The following TSPYL6 variants were observed in gnomAD, a reference collection of about 807,000 sequenced individuals.
The protein encoded by TSPYL6 is TSPY like 6, also known as testis-specific Y-encoded-like protein 6.
For missense variants in TSPYL6, 699 were observed against 531.5 expected (o/e 1.32, Z -3.10); for synonymous variants, 259 against 214.8 (o/e 1.21, Z -1.80).
chr2:54,256,094 G>C lies in TSPYL6; in HGVS notation c.58C>G (p.Pro20Ala). 6.2e-7 allele frequency: 1 copy of C among 1,614,136 alleles called. No homozygotes were observed. The highest frequency in any genetic ancestry group is 8.5e-7 in the Non-Finnish European group (1 of 1,180,024). Residue 20 changes from proline (P) to alanine (A), a missense_variant, in exon 1 of 1, where the codon CCG (proline) becomes GCG (alanine). Transcript: ENST00000317802. The part of the protein sequence containing the change: ...PATLDYALED[P>A]HQGQRSREKS... ...TCTCGGGACCTCTGGCCCTGGTGCG[G>C]GTCTTCCAGAGCATAGTCGAGAGTA...
Position 54,254,414 on chromosome 2 carries a change from C to CGCCGTA in TSPYL6, c.*504_*505insTACGGC. ...TAGCAGGCAGCAATAGGTGACCAGT[C>CGCCGTA]TCAGGAAAAGTAATGGGGTCCCATA... On this transcript the variant is annotated 3_prime_UTR_variant, in exon 1 of 1. Transcript: ENST00000317802. 6.5e-6 allele frequency: 1 copy of CGCCGTA among 154,210 alleles called. No individual in the cohort carries two copies. Among genetic ancestry groups the CGCCGTA allele is most frequent in the Non-Finnish European group, 1.4e-5 (1 of 69,526 alleles). The allele number at this position is 154,210 out of a possible 1,614,324, so 9.6% of individuals were successfully genotyped here. A position where few individuals can be genotyped will look rare whatever the true frequency, so the allele number is the denominator to read the frequency against.
At position 54,254,704 on chromosome 2, in the gene TSPYL6, A is replaced by G; in HGVS notation, c.*215T>C. Reference sequence around the variant, plus strand: ...GTGACCCATCGGCTGGGAGCATGTGATGTTAATGCAGAATAGCAAGACGAC... The same window carrying G: ...GTGACCCATCGGCTGGGAGCATGTGGTGTTAATGCAGAATAGCAAGACGAC... On this transcript the variant is annotated 3_prime_UTR_variant, in exon 1 of 1. Coordinates refer to ENST00000317802, the MANE Select transcript of TSPYL6 (RefSeq NM_001003937.3). 1.8e-6 allele frequency: 1 copy of G among 552,990 alleles called. No homozygotes were observed. The allele number at this position is 552,990 out of a possible 1,614,324, so 34.3% of individuals were successfully genotyped here. A position where few individuals can be genotyped will look rare whatever the true frequency, so the allele number is the denominator to read the frequency against.
chr2:54,255,408 G>C lies in TSPYL6; in HGVS notation c.744C>G (p.Ile248Met), dbSNP rs1364703232. 6.2e-7 allele frequency: 1 copy of C among 1,613,876 alleles called. No individual in the cohort carries two copies. The highest frequency in any genetic ancestry group is 1.3e-5 in the African/African-American group (1 of 74,852). ...LEQRNDIIRN[I>M]PGFWVTAFRH... ...GGAAAGCAGTGACCCAGAAGCCCGGGATATTGCGAATGATGTCATTCCTCT... is the reference window on the plus strand; with the variant it reads ...GGAAAGCAGTGACCCAGAAGCCCGGCATATTGCGAATGATGTCATTCCTCT... The change falls in exon 1 of 1, where the codon ATC becomes ATG. Residue 248 changes from isoleucine (I) to methionine (M), a missense_variant. Physicochemically the swap from Ile to Met is conservative, Grantham distance 10 (BLOSUM62 1). Coordinates refer to ENST00000317802, the MANE Select transcript of TSPYL6 (RefSeq NM_001003937.3).
At position 54,255,406 on chromosome 2, in the gene TSPYL6, G is replaced by A. The variant is rs1349429259; in HGVS notation, c.746C>T (p.Pro249Leu). ...GCGGAAAGCAGTGACCCAGAAGCCC[G>A]GGATATTGCGAATGATGTCATTCCT... ...EQRNDIIRNI[P>L]GFWVTAFRHH... is the part of the protein sequence containing the mutation. The change falls in exon 1 of 1, where the codon CCG (proline) becomes CTG (leucine). Residue 249 changes from proline (P) to leucine (L), a missense_variant. By Grantham distance (98) the Pro-to-Leu change is moderately conservative. Transcript: ENST00000317802. The A allele has an allele frequency of 3.1e-6, 5 of 1,613,914 alleles. No individual in the cohort carries two copies. In the African/African-American group the frequency reaches 4.0e-5, roughly 13 times the overall value.
At position 54,255,285 on chromosome 2, in the gene TSPYL6, C is replaced by T. The variant is rs200743394; in HGVS notation, c.867G>A (p.Arg289=). The T allele has an allele frequency of 1.2e-4, 198 of 1,614,164 alleles. No individual in the cohort carries two copies. Among genetic ancestry groups the T allele is most frequent in the Non-Finnish European group, 1.6e-4 (185 of 1,180,034 alleles). ...NLEVKELRHP[R]TGCKFKFFFQ... is the part of the protein sequence containing the mutation. The stretch of plus-strand genomic sequence containing the variant: ...AGAAGAACTTAAACTTGCAGCCTGT[C>T]CTAGGGTGTCTGAGCTCCTTCACTT... The change falls in exon 1 of 1, where the codon AGG becomes AGA. Residue 289 remains arginine, a synonymous_variant. Transcript: ENST00000317802.
Position 54,255,419 on chromosome 2 carries a change from T to C in TSPYL6, c.733A>G (p.Ile245Val). ...ACCCAGAAGCCCGGGATATTGCGAATGATGTCATTCCTCTGCTCCAGGTAG... is the reference window on the plus strand; with the variant it reads ...ACCCAGAAGCCCGGGATATTGCGAACGATGTCATTCCTCTGCTCCAGGTAG... ...EYYLEQRNDI[I>V]RNIPGFWVTA... The change falls in exon 1 of 1, where the codon ATT becomes GTT. Residue 245 changes from isoleucine (I) to valine (V), a missense_variant. By Grantham distance (29) the Ile-to-Val change is conservative (BLOSUM62 3). Coordinates refer to ENST00000317802, the MANE Select transcript of TSPYL6 (RefSeq NM_001003937.3). 2 of 1,614,036 alleles carry C rather than the reference T, an allele frequency of 1.2e-6. No homozygotes were observed. Among genetic ancestry groups the C allele is most frequent in the Non-Finnish European group, 1.7e-6 (2 of 1,179,994 alleles).
rs200899511 is a variant in TSPYL6 at position 54,256,089 on chromosome 2, G to A, written c.63C>T (p.His21=). The A allele has an allele frequency of 4.5e-4, 728 of 1,614,124 alleles. 3 individuals are homozygous for A. Among genetic ancestry groups the A allele is most frequent in the East Asian group, 8.5e-4 (38 of 44,870 alleles). ...TCTTTTCTCGGGACCTCTGGCCCTG[G>A]TGCGGGTCTTCCAGAGCATAGTCGA... ...ATLDYALEDP[H]QGQRSREKSK... is the part of the protein sequence containing the mutation. Residue 21 remains histidine (H), a synonymous_variant, in exon 1 of 1, where the codon CAC becomes CAT. Transcript: ENST00000317802.
Position 54,255,455 on chromosome 2 carries a change from T to C in TSPYL6, c.697A>G (p.Ile233Val). The C allele has an allele frequency of 6.2e-7, 1 of 1,613,992 alleles. No homozygotes were observed. The highest frequency in any genetic ancestry group is 8.5e-7 in the Non-Finnish European group (1 of 1,179,980). ...LLQVERRFGQ[I>V]HEYYLEQRND... ...CTCTGCTCCAGGTAGTATTCATGAA[T>C]CTGCCCAAACCTGCGCTCCACCTGC... Residue 233 changes from isoleucine to valine, a missense_variant, in exon 1 of 1, where the codon ATT becomes GTT. By Grantham distance (29) the Ile-to-Val change is conservative. Transcript: ENST00000317802.
At position 54,255,944 on chromosome 2, in the gene TSPYL6, T is replaced by G. The variant is rs750936309; in HGVS notation, c.208A>C (p.Thr70Pro). 3 of 1,614,056 alleles carry G rather than the reference T, an allele frequency of 1.9e-6. No individual in the cohort carries two copies. The South Asian group carries it at 3.3e-5, about 18-fold the overall frequency. Residue 70 changes from threonine to proline, a missense_variant, in exon 1 of 1, where the codon ACT becomes CCT. By Grantham distance (38) the Thr-to-Pro change is conservative. Transcript: ENST00000317802. ...CCCGCATCGACCAAGATGTGGAAAG[T>G]ATGGCCACCATCTGCGGGATCCTGG... ...APQDPADGGHTFHILVDAGRS... is the reference protein window; with the variant it reads ...APQDPADGGHPFHILVDAGRS...
In TSPYL6 at chr2:54,254,747, G is replaced by A. The variant is rs1687410113; in HGVS notation, c.*172C>T. ...AAGACGACCAGGTGAAAGGGGAGCA[G>A]CACAGCCACCAAGGTCTCAATCTTC... On this transcript the variant is annotated 3_prime_UTR_variant, in exon 1 of 1. Transcript: ENST00000317802. The A allele has an allele frequency of 7.9e-6, 5 of 629,770 alleles. No homozygotes were observed. In the South Asian group the frequency reaches 1.1e-4, roughly 14 times the overall value. The allele number at this position is 629,770 out of a possible 1,614,324, so 39.0% of individuals were successfully genotyped here.
rs772774861 is a variant in TSPYL6 at position 54,255,184 on chromosome 2, G to C, written c.968C>G (p.Ser323Cys). 1.2e-6 allele frequency: 2 copies of C among 1,614,200 alleles called. No individual in the cohort carries two copies. The highest frequency in any genetic ancestry group is 1.7e-6 in the Non-Finnish European group (2 of 1,180,048). ...GCGCCACATGATTAGAGTGGAAAAAGACACCACTTGGCCGAAGGATCTGAC... is the reference window on the plus strand; with the variant it reads ...GCGCCACATGATTAGAGTGGAAAAACACACCACTTGGCCGAAGGATCTGAC... ...YEVRSFGQVV[S>C]FSTLIMWRRG... The change falls in exon 1 of 1, where the codon TCT (serine) becomes TGT (cysteine). Residue 323 changes from serine to cysteine, a missense_variant. Ser to Cys is a moderately radical substitution (Grantham distance 112). Coordinates refer to ENST00000317802, the MANE Select transcript of TSPYL6 (RefSeq NM_001003937.3).
rs771327631 is a variant in TSPYL6 at position 54,255,788 on chromosome 2, C to T, written c.364G>A (p.Gly122Ser). ...TCTAGAGCCTTCTCCCCACCTAGGC[C>T]GTGCGTCTCTTCACCCGGAAAGCCA... ...KNGFPGEETH[G>S]LGGEKALETC... is the part of the protein sequence containing the mutation. The change falls in exon 1 of 1, where the codon GGC becomes AGC. Residue 122 changes from glycine to serine, a missense_variant. Coordinates refer to ENST00000317802, the MANE Select transcript of TSPYL6 (RefSeq NM_001003937.3). The T allele has an allele frequency of 5.6e-6, 9 of 1,613,832 alleles. No individual in the cohort carries two copies. Among genetic ancestry groups the T allele is most frequent in the Non-Finnish European group, 5.9e-6 (7 of 1,180,032 alleles).
Position 54,254,924 on chromosome 2 carries a change from C to T in TSPYL6, c.1228G>A (p.Gly410Ser), listed in dbSNP as rs1482023327. The T allele has an allele frequency of 3.7e-6, 6 of 1,608,724 alleles. No individual in the cohort carries two copies. Among genetic ancestry groups the T allele is most frequent in the Non-Finnish European group, 5.1e-6 (6 of 1,178,476 alleles). The change falls in exon 1 of 1, where the codon GGT (glycine) becomes AGT (serine). Residue 410 changes from glycine (G) to serine (S), a missense_variant. Gly to Ser is a moderately conservative substitution (Grantham distance 56). Coordinates refer to ENST00000317802, the MANE Select transcript of TSPYL6 (RefSeq NM_001003937.3). The stretch of plus-strand genomic sequence containing the variant: ...AGTAATTCCAAAGGCAAAGGTTAAC[C>T]ACACTGGAACCCAAAGGGCCTGGGG... ...EIPRPFGFQC[G>S]
At position 54,255,231 on chromosome 2, in the gene TSPYL6, C is replaced by T. The variant is rs367850701; in HGVS notation, c.921G>A (p.Lys307=). Residue 307 remains lysine, a synonymous_variant, in exon 1 of 1, where the codon AAG becomes AAA. Transcript: ENST00000317802. The part of the protein sequence containing the change: ...FFQRNPYFRN[K]LIVKVYEVRS... ...TGACCTCATACACCTTTACAATCAG[C>T]TTGTTTCTGAAGTAAGGGTTTCTTT... is the stretch of plus-strand genomic sequence containing the variant. The T allele has an allele frequency of 1.2e-6, 2 of 1,614,182 alleles. No individual in the cohort carries two copies. Among genetic ancestry groups the T allele is most frequent in the Non-Finnish European group, 1.7e-6 (2 of 1,180,038 alleles).
rs1687439522 is a variant in TSPYL6 at position 54,255,248 on chromosome 2, G to A, written c.904C>T (p.Pro302Ser). ...CKFKFFFQRN[P>S]YFRNKLIVKV... is the part of the protein sequence containing the mutation. The stretch of plus-strand genomic sequence containing the variant: ...ACAATCAGCTTGTTTCTGAAGTAAG[G>A]GTTTCTTTGAAAGAAGAACTTAAAC... The change falls in exon 1 of 1, where the codon CCT (proline) becomes TCT (serine). Residue 302 changes from proline (P) to serine (S), a missense_variant. Transcript: ENST00000317802. 3 of 1,614,052 alleles carry A rather than the reference G, an allele frequency of 1.9e-6. No homozygotes were observed. Among genetic ancestry groups the A allele is most frequent in the East Asian group, 2.2e-5 (1 of 44,884 alleles).
At position 54,253,761 on chromosome 2, in the gene TSPYL6, G is replaced by C. The variant is rs1221810674; in HGVS notation, c.*1158C>G. ...TAGAAATCACCTTTCATTCCATACA[G>C]CTCTGTAGTCCTTTAAACCCTCTAG... On this transcript the variant is annotated 3_prime_UTR_variant, in exon 1 of 1. Transcript: ENST00000317802. 2.0e-5 allele frequency: 3 copies of C among 152,148 alleles called. No individual in the cohort carries two copies. Among genetic ancestry groups the C allele is most frequent in the African/African-American group, 7.2e-5 (3 of 41,418 alleles). The allele number at this position is 152,148 out of a possible 1,614,324, so 9.4% of individuals were successfully genotyped here.
chr2:54,254,688 C>A lies in TSPYL6; in HGVS notation c.*231G>T, dbSNP rs977341662. The A allele has an allele frequency of 3.2e-5, 17 of 526,544 alleles. No individual in the cohort carries two copies. The highest frequency in any genetic ancestry group is 5.4e-5 in the Non-Finnish European group (16 of 297,600). The allele number at this position is 526,544 out of a possible 1,614,324, so 32.6% of individuals were successfully genotyped here. A position where few individuals can be genotyped will look rare whatever the true frequency, so the allele number is the denominator to read the frequency against. ...CTTCGCTTAGAAGGATGTGACCCAT[C>A]GGCTGGGAGCATGTGATGTTAATGC... On this transcript the variant is annotated 3_prime_UTR_variant, in exon 1 of 1. Transcript: ENST00000317802.
chr2:54,254,853 G>A lies in TSPYL6; in HGVS notation c.*66C>T. 4 of 1,504,094 alleles carry A rather than the reference G, an allele frequency of 2.7e-6. No homozygotes were observed. Among genetic ancestry groups the A allele is most frequent in the South Asian group, 1.3e-5 (1 of 79,884 alleles). The allele number at this position is 1,504,094 out of a possible 1,614,324, so 93.2% of individuals were successfully genotyped here. A position where few individuals can be genotyped will look rare whatever the true frequency, so the allele number is the denominator to read the frequency against. On this transcript the variant is annotated 3_prime_UTR_variant, in exon 1 of 1. Transcript: ENST00000317802. ...AGTAAAGGGCATACCTAATGCTGTTGCCCAAGCTCAGGTCCAGCTGGTGGT... is the reference window on the plus strand; with the variant it reads ...AGTAAAGGGCATACCTAATGCTGTTACCCAAGCTCAGGTCCAGCTGGTGGT...
rs141063292 is a variant in TSPYL6, at chr2:54,253,688, C to A, written c.*1231G>T. ...CTGCCTTTTTGTTCAGTTTTCCCTG[C>A]CTAGAGCACCCATCACAATCTCTTT... On this transcript the variant is annotated 3_prime_UTR_variant, in exon 1 of 1. Transcript: ENST00000317802. 19 of 152,254 alleles carry A rather than the reference C, an allele frequency of 1.2e-4. No homozygotes were observed. The East Asian group carries it at 3.7e-3, about 29-fold the overall frequency. The allele number at this position is 152,254 out of a possible 1,614,324, so 9.4% of individuals were successfully genotyped here.
Sources: gnomAD v4.1 joint callset for allele counts on GRCh38, gnomAD v4.1.1 for gene constraint, MANE v1.5 for transcripts, NCBI Gene and HGNC (gene_info 2026-07-23, HGNC 2026-07-21) for gene names.